Variants in IARS1 observed in about 807,000 individuals in gnomAD.
IARS1 encodes the protein isoleucyl-tRNA synthetase 1.
In IARS1, 124 loss-of-function variants were observed where a neutral mutation model predicts 168.2. That is an observed-to-expected ratio of 0.74 (90% CI 0.64 to 0.86). The LOEUF (loss-of-function observed/expected upper bound fraction) is 0.86, where lower values mean the gene tolerates loss of function less well. IARS1 is among the 40% of genes least tolerant of loss of function. The pLI is 0.00. For missense variants in IARS1, 1,452 were observed against 1,515.8 expected, an observed-to-expected ratio of 0.96 and a Z score of 0.70; for synonymous variants, 532 against 529.4, an observed-to-expected ratio of 1.00 and a Z score of -0.07.
intron 29 of IARS1, 31 bp from the exon 30 acceptor site, chr9:92,240,992 C>T (rs1257663576): frequency 7.7e-7 from 1 of 1,304,608 alleles, no homozygotes; most frequent in Non-Finnish European, 1.1e-6. Flanking sequence ...GACTGAGTAA[C>T]TGTGGCACCT....
rs532970812 is a variant in IARS1 at position 92,272,379 on chromosome 9, G to A, written c.991-724C>T. Among the ~76,000 whole-genome samples the A allele has an allele frequency of 7.9e-5, 12 of 152,324 alleles. No individual in the cohort carries two copies. In the South Asian group the frequency reaches 2.3e-3, roughly 29 times the overall value. ...GAAAAGCCCCTAAGTGCAGCAATTT[G>A]AACCACTGAGTGTGGAGCAAGTAAC... On this transcript the variant is annotated intron_variant, in intron 10 of 33. Coordinates refer to ENST00000443024, the MANE Select transcript of IARS1 (RefSeq NM_002161.6).
Position 92,288,018 on chromosome 9 carries a change from C to T in IARS1, c.276+108G>A, listed in dbSNP as rs547585574. 26 of 1,524,238 alleles carry T rather than the reference C, an allele frequency of 1.7e-5. No individual in the cohort carries two copies. In the South Asian group the frequency reaches 2.9e-4, roughly 17 times the overall value. The allele number at this position is 1,524,238 out of a possible 1,614,324, so 94.4% of individuals were successfully genotyped here. A position where few individuals can be genotyped will look rare whatever the true frequency, so the allele number is the denominator to read the frequency against. On this transcript the variant is annotated intron_variant, in intron 3 of 33. Coordinates refer to ENST00000443024, the MANE Select transcript of IARS1 (RefSeq NM_002161.6). The stretch of plus-strand genomic sequence containing the variant: ...AAACTACAAATATTATAGAAATGAA[C>T]TAGAAGGTCTGACAGTCAACGTTCA...
At chr9:92,236,030 T>G (rs1241963158) in intron 30 of IARS1, among the ~76,000 whole-genome samples, 1 of 152,066 alleles carries the variant, frequency 6.6e-6, no homozygotes, top group Non-Finnish European at 1.5e-5. Flanking sequence ...CGGCCTGGGC[T>G]GGAGTGCAAT....
intron 10 of IARS1, among the ~76,000 whole-genome samples, chr9:92,272,573 G>C (rs1399726397): frequency 6.6e-6 from 1 of 152,216 alleles, no homozygotes; most frequent in Non-Finnish European, 1.5e-5. Flanking sequence ...ACCAAGGCCG[G>C]GTGCAGTGGC....
rs376720614 is a variant in IARS1, at chr9:92,235,728, T to C, written c.3283+5128A>G. On this transcript the variant is annotated intron_variant, in intron 30 of 33. Transcript: ENST00000443024. ...TTTTAGTAGAGACAGGGTTTCACCA[T>C]GTTGGTCAGGCTGGTCTTGAACTCC... Among the ~76,000 whole-genome samples the C allele has an allele frequency of 5.9e-5, 9 of 152,074 alleles. No individual in the cohort carries two copies. The East Asian group carries it at 9.7e-4, about 16-fold the overall frequency.
At position 92,287,944 on chromosome 9, in the gene IARS1, C is replaced by T. The variant is rs759503292; in HGVS notation, c.277-34G>A. 1.7e-5 allele frequency: 28 copies of T among 1,609,876 alleles called. 1 individual carries two copies. The African/African-American group carries it at 3.3e-4, about 19-fold the overall frequency. Reference sequence around the variant, plus strand: ...TTGTGATAAGACTGTTACCACGCTGCCCTATGAAAACAACTGCAACTATGC... The same window carrying T: ...TTGTGATAAGACTGTTACCACGCTGTCCTATGAAAACAACTGCAACTATGC... On this transcript the variant is annotated intron_variant, in intron 3 of 33. Coordinates refer to ENST00000443024, the MANE Select transcript of IARS1 (RefSeq NM_002161.6).
At chr9:92,280,446 A>C (rs1834377053) in intron 7 of IARS1, among the ~76,000 whole-genome samples, 2 of 152,214 alleles carry the variant, frequency 1.3e-5, no homozygotes, top group Non-Finnish European at 2.9e-5. Flanking sequence ...ACGTGATGCC[A>C]CATCGCTGAA....
At position 92,210,803 on chromosome 9, in the gene IARS1, C is replaced by T. The variant is rs755611275; in HGVS notation, c.*4G>A. 4 of 1,587,398 alleles carry T rather than the reference C, an allele frequency of 2.5e-6. No individual in the cohort carries two copies. The highest frequency in any genetic ancestry group is 1.3e-5 in the African/African-American group (1 of 74,500). On this transcript the variant is annotated 3_prime_UTR_variant, in exon 34 of 34. Coordinates refer to ENST00000443024, the MANE Select transcript of IARS1 (RefSeq NM_002161.6). ...GCTGACCGAACAACATTGATAAGTA[C>T]ATGCTAGAAGTCTGCTGTTGTTGGT...
chr9:92,293,280 A>C (rs1055242474), intron 1 of IARS1, among the ~76,000 whole-genome samples: 2 of 152,030 alleles, frequency 1.3e-5, no homozygotes, highest in African/African-American at 4.8e-5. Flanking sequence ...ATGGTGACTG[A>C]AGTAAATTAC....
intron 22 of IARS1, 128 bp from the exon 23 acceptor site, chr9:92,250,962 T>TA (rs1036244062): frequency 5.1e-6 from 5 of 975,386 alleles, no homozygotes; most frequent in African/African-American, 1.6e-5. Context: ...AGCATGAGGT[T>TA]ACAAAACATG....
intron 33 of IARS1, among the ~76,000 whole-genome samples, chr9:92,220,576 G>A (rs971463025): frequency 1.3e-5 from 2 of 152,066 alleles, no homozygotes; most frequent in Non-Finnish European, 2.9e-5. Context: ...GGGATATCGT[G>A]CCACTGCACT....
intron 1 of IARS1, among the ~76,000 whole-genome samples, chr9:92,291,100 A>G (rs1313420265): frequency 6.6e-6 from 1 of 152,068 alleles, no homozygotes; most frequent in Non-Finnish European, 1.5e-5. Context: ...ATGCAGAGAT[A>G]CTTGATCAAT....
chr9:92,270,892 T>C, intron 12 of IARS1, 93 bp downstream of exon 12: 2 of 788,446 alleles, frequency 2.5e-6, no homozygotes, highest in Non-Finnish European at 3.9e-6. Flanking sequence ...ACAAGTGAGA[T>C]GAACACCACA....
chr9:92,269,399 C>A (rs1164299675), intron 13 of IARS1, among the ~76,000 whole-genome samples: 1 of 152,214 alleles, frequency 6.6e-6, no homozygotes, highest in Non-Finnish European at 1.5e-5. Context: ...CTATCACCTG[C>A]AGGACACATA....
At chr9:92,243,358 C>T (rs759828858) in intron 27 of IARS1, 47 bp from the exon 28 acceptor site, 3 of 1,282,856 alleles carry the variant, frequency 2.3e-6, no homozygotes, top group Non-Finnish European at 1.1e-6. Flanking sequence ...TAAGGAGAAA[C>T]ACTTCTTCCC....
chr9:92,288,254 CA>C lies in IARS1; in HGVS notation c.147del (p.Phe49LeufsTer19). On this transcript the variant is annotated frameshift_variant, in exon 3 of 34. Coordinates refer to ENST00000443024, the MANE Select transcript of IARS1 (RefSeq NM_002161.6). LOFTEE classifies it high-confidence loss of function. Reference sequence around the variant, plus strand: ...TGTCCATAGTGAGGCAGTCCAGTTGCAAAAGGAGGACCATCATAGAAGGTAA... The same window carrying C: ...TGTCCATAGTGAGGCAGTCCAGTTGCAAAGGAGGACCATCATAGAAGGTAA... ...PKFTFYDGPP[F>X]ATGLPHYGHI... is the part of the protein sequence containing the mutation. The C allele has an allele frequency of 1.9e-6, 3 of 1,613,914 alleles. No homozygotes were observed. The highest frequency in any genetic ancestry group is 2.5e-6 in the Non-Finnish European group (3 of 1,179,926).
At chr9:92,222,759 G>C in intron 32 of IARS1, 87 bp from the exon 33 acceptor site, 2 of 1,429,964 alleles carry the variant, frequency 1.4e-6, no homozygotes, top group Middle Eastern at 2.4e-4. Flanking sequence ...AGCTCTAACA[G>C]GCAGTGCTGA....
At chr9:92,276,269 T>A (rs1016258928) in intron 9 of IARS1, among the ~76,000 whole-genome samples, 1 of 152,150 alleles carries the variant, frequency 6.6e-6, no homozygotes, top group Non-Finnish European at 1.5e-5. Context: ...AAATAAAGAC[T>A]TTTAAGACAG....
chr9:92,252,337 C>T (rs576714347), intron 21 of IARS1: 1 of 503,280 alleles, frequency 2.0e-6, no homozygotes, highest in Non-Finnish European at 4.0e-6. Flanking sequence ...GTTTTTCCTA[C>T]AATCATAATT....
Sources: allele counts gnomAD v4.1 joint callset (sites outside exome capture counted in the v4.1 genomes callset), GRCh38; gene constraint gnomAD v4.1.1; transcripts MANE v1.5; gene names NCBI Gene and HGNC (gene_info 2026-07-23, HGNC 2026-07-21).